UNC13B: variants seen among roughly 807,000 people sequenced by gnomAD.
UNC13B encodes protein unc-13 homolog B.
A neutral mutation model predicts 211.0 loss-of-function variants in UNC13B; 144 were observed. That is an observed-to-expected ratio of 0.68 (90% CI 0.60 to 0.78). The LOEUF (loss-of-function observed/expected upper bound fraction) is 0.78, where lower values mean the gene tolerates loss of function less well. UNC13B is among the 30% of genes least tolerant of loss of function. The probability of loss-of-function intolerance (pLI) is 0.00; values close to 1 mark genes in which losing one functional copy is unlikely to be tolerated. For missense variants in UNC13B, 1,777 were observed against 2,002.0 expected, an observed-to-expected ratio of 0.89 and a Z score of 2.14; for synonymous variants, 709 against 725.8, an observed-to-expected ratio of 0.98 and a Z score of 0.37.
chr9:35,251,086 C>T (rs956014887), intron 6 of UNC13B, among the ~76,000 whole-genome samples: 22 of 151,568 alleles, frequency 1.5e-4, no homozygotes, highest in Non-Finnish European at 1.5e-4. Flanking sequence ...CCTCAGCCTC[C>T]GGAGTAGCTG....
At chr9:35,180,808 G>C (rs972793719) in intron 1 of UNC13B, among the ~76,000 whole-genome samples, 3 of 152,034 alleles carry the variant, frequency 2.0e-5, no homozygotes, top group Admixed American at 2.0e-4. Context: ...AAAAGATACA[G>C]AGTTTTGGCC....
intron 1 of UNC13B, among the ~76,000 whole-genome samples, chr9:35,222,548 T>A (rs1236897452): frequency 1.3e-5 from 2 of 152,140 alleles, no homozygotes; most frequent in African/African-American, 4.8e-5. Context: ...GTATACCATC[T>A]TTTGGGGGCC....
At chr9:35,249,701 G>T (rs137946375) in intron 6 of UNC13B, among the ~76,000 whole-genome samples, 97 of 152,298 alleles carry the variant, frequency 6.4e-4, no homozygotes, top group African/African-American at 2.3e-3. Flanking sequence ...CTTCTGGCTT[G>T]CAGAGTTTCT....
In UNC13B at chr9:35,399,221, C is replaced by A. The variant is rs1836111167; in HGVS notation, c.12135C>A (p.Leu4045=). The change falls in exon 34 of 40, where the codon CTC becomes CTA. Residue 4045 remains leucine, a synonymous_variant. Coordinates refer to ENST00000635942, the MANE Select transcript of UNC13B (RefSeq NM_001371189.2). ...TTCTGAAGCGTGTACTGAAGGAGCT[C>A]TGGCGCGTGGTGATGAACACAATGG... ...KTVLKRVLKE[L]WRVVMNTMER... The A allele has an allele frequency of 5.6e-6, 9 of 1,614,140 alleles. No individual in the cohort carries two copies. In the African/African-American group the frequency reaches 8.0e-5, roughly 14 times the overall value.
intron 1 of UNC13B, among the ~76,000 whole-genome samples, chr9:35,166,251 G>T (rs1821032915): frequency 6.6e-6 from 1 of 151,934 alleles, no homozygotes; most frequent in South Asian, 2.1e-4. Flanking sequence ...GTGTGGTGGT[G>T]CTCACCTGTA....
At chr9:35,400,212 T>G (rs559295717) in intron 36 of UNC13B, 84 bp from the exon 37 acceptor site, 1 of 1,559,240 alleles carries the variant, frequency 6.4e-7, no homozygotes, top group Non-Finnish European at 8.7e-7. Context: ...CTCACAGTCC[T>G]CTTCTTGCTT....
rs1409344900 is a variant in UNC13B, at chr9:35,375,152, G to A, written c.9566G>A (p.Gly3189Glu). The A allele has an allele frequency of 1.9e-6, 3 of 1,614,044 alleles. No individual in the cohort carries two copies. The highest frequency in any genetic ancestry group is 2.5e-6 in the Non-Finnish European group (3 of 1,180,008). The change falls in exon 14 of 40, where the codon GGA becomes GAA. Residue 3189 changes from glycine to glutamate, a missense_variant. Gly to Glu is a moderately conservative substitution (Grantham distance 98). Transcript: ENST00000635942. Reference sequence around the variant, plus strand: ...TCACTGGTCCAGTCTCGGAAGGCAGGAATCACTTCTGCAATGGCTACACGC... The same window carrying A: ...TCACTGGTCCAGTCTCGGAAGGCAGAAATCACTTCTGCAATGGCTACACGC... Reference protein sequence around the residue: ...DLSLVQSRKAGITSAMATRTS... With the variant: ...DLSLVQSRKAEITSAMATRTS...
At chr9:35,177,026 G>A (rs1821672463) in intron 1 of UNC13B, among the ~76,000 whole-genome samples, 1 of 152,292 alleles carries the variant, frequency 6.6e-6, no homozygotes, top group African/African-American at 2.4e-5. Context: ...CTGACCTCAG[G>A]TGATCCACCC....
intron 6 of UNC13B, among the ~76,000 whole-genome samples, chr9:35,251,408 G>A (rs1826479446): frequency 6.6e-6 from 1 of 152,098 alleles, no homozygotes; most frequent in Admixed American, 6.5e-5. Flanking sequence ...CCAACATGGT[G>A]AAAACCCGTC....
chr9:35,202,410 C>T (rs183442815), intron 1 of UNC13B, among the ~76,000 whole-genome samples: 6 of 152,242 alleles, frequency 3.9e-5, no homozygotes, highest in East Asian at 3.9e-4. Context: ...TCCTTGTTAA[C>T]TTTCTGTCTC....
intron 1 of UNC13B, among the ~76,000 whole-genome samples, chr9:35,186,754 C>A (rs1306585436): frequency 6.6e-6 from 1 of 152,012 alleles, no homozygotes; most frequent in Non-Finnish European, 1.5e-5. Flanking sequence ...GGAAGGCTGG[C>A]CACCTCACCC....
intron 1 of UNC13B, among the ~76,000 whole-genome samples, chr9:35,209,040 A>G (rs1303441923): frequency 6.6e-6 from 1 of 152,106 alleles, no homozygotes; most frequent in Non-Finnish European, 1.5e-5. Context: ...CCCTCACATT[A>G]TGCTTTCCTT....
chr9:35,256,006 A>G (rs773875892), intron 6 of UNC13B, among the ~76,000 whole-genome samples: 7 of 152,186 alleles, frequency 4.6e-5, no homozygotes, highest in Non-Finnish European at 1.0e-4. Context: ...TAGAAGCAAG[A>G]TGGAACTGGT....
In UNC13B at chr9:35,253,732, G is replaced by T. The variant is rs1826653485; in HGVS notation, c.469-5261G>T. ...ACTTTTCCTACTCATGGGCAATTAG[G>T]TTTTCACTATTATAAATGCGTGCTG... On this transcript the variant is annotated intron_variant, in intron 6 of 39. Coordinates refer to ENST00000635942, the MANE Select transcript of UNC13B (RefSeq NM_001371189.2). Among the ~76,000 whole-genome samples, 5 of 152,114 alleles carry T rather than the reference G, an allele frequency of 3.3e-5. No individual in the cohort carries two copies. The South Asian group carries it at 1.0e-3, about 32-fold the overall frequency.
intron 1 of UNC13B, among the ~76,000 whole-genome samples, chr9:35,213,912 T>C (rs1824110310): frequency 6.6e-6 from 1 of 152,126 alleles, no homozygotes; most frequent in Non-Finnish European, 1.5e-5. Context: ...CACATCAGGT[T>C]ACACAAATTT....
intron 9 of UNC13B, among the ~76,000 whole-genome samples, chr9:35,309,158 G>A (rs1830062718): frequency 6.6e-6 from 1 of 151,972 alleles, no homozygotes; most frequent in African/African-American, 2.4e-5. Context: ...GTACCATACA[G>A]TACAGATTAA....
At chr9:35,231,389 A>G (rs1484901897) in intron 3 of UNC13B, among the ~76,000 whole-genome samples, 170 bp downstream of exon 3, 3 of 152,228 alleles carry the variant, frequency 2.0e-5, no homozygotes, top group Admixed American at 6.5e-5. Flanking sequence ...AGTGAGGTTC[A>G]TGGTACATGA....
rs1457488549 is a variant in UNC13B, at chr9:35,403,102, C to T, written c.12485-65C>T. ...CTTTTGGGTATAGGGTGGTGACCTC[C>T]TCACCCCTCAGGTTTACCTCCTACA... On this transcript the variant is annotated intron_variant, in intron 37 of 39. Transcript: ENST00000635942. 15 of 1,510,516 alleles carry T rather than the reference C, an allele frequency of 9.9e-6. No individual in the cohort carries two copies. In the South Asian group the frequency reaches 1.5e-4, roughly 15 times the overall value. The allele number at this position is 1,510,516 out of a possible 1,614,324, so 93.6% of individuals were successfully genotyped here.
At chr9:35,399,067 A>G in intron 33 of UNC13B, 33 bp downstream of exon 33, 1 of 1,613,408 alleles carries the variant, frequency 6.2e-7, no homozygotes, top group Non-Finnish European at 8.5e-7. Flanking sequence ...TCCTGTGGGG[A>G]TGAGCAAAGC....
Sources: gnomAD v4.1 joint callset for allele counts (sites outside exome capture counted in the v4.1 genomes callset) on GRCh38, gnomAD v4.1.1 for gene constraint, MANE v1.5 for transcripts, NCBI Gene and HGNC (gene_info 2026-07-23, HGNC 2026-07-21) for gene names.